AKAP13: variants seen among roughly 807,000 people sequenced by gnomAD.
AKAP13 encodes A-kinase anchor protein 13.
A neutral mutation model predicts 264.5 loss-of-function variants in AKAP13; 80 were observed. The ratio of observed to expected loss-of-function variants is 0.30; its 90% CI spans 0.25 to 0.36. The LOEUF (loss-of-function observed/expected upper bound fraction) is 0.36, where lower values mean the gene tolerates loss of function less well. Among genes scored for constraint, AKAP13 ranks in the 10% least tolerant of loss-of-function variants. The pLI, the probability that AKAP13 is intolerant of heterozygous loss-of-function variation, is 1.00. For missense variants in AKAP13, 3,712 were observed against 3,435.2 expected (o/e 1.08, Z -2.01); for synonymous variants, 1,380 against 1,250.2 (o/e 1.10, Z -2.19).
At chr15:85,621,459 G>A (rs1044246074) in intron 8 of AKAP13, 1 of 152,190 alleles carries the variant, frequency 6.6e-6, no homozygotes, top group Non-Finnish European at 1.5e-5. Context: ...CTCATATAAT[G>A]TATTTAGGAG....
At chr15:85,467,295 G>A (rs1465690714) in intron 1 of AKAP13, among the ~76,000 whole-genome samples, 1 of 134,772 alleles carries the variant, frequency 7.4e-6, no homozygotes, top group African/African-American at 2.4e-5. Flanking sequence ...TACATGGTAG[G>A]TACTCAATAA....
At chr15:85,676,930 C>A (rs944361327) in intron 14 of AKAP13, 3 of 985,352 alleles carry the variant, frequency 3.0e-6, no homozygotes, top group Non-Finnish European at 3.6e-6. Flanking sequence ...AAGGCCCTGG[C>A]ATAATCCGAG....
chr15:85,518,284 A>G (rs2076682825), intron 2 of AKAP13, among the ~76,000 whole-genome samples: 2 of 152,220 alleles, frequency 1.3e-5, no homozygotes, highest in South Asian at 4.1e-4. Flanking sequence ...AAGTAATAGT[A>G]GGTACCTGGT....
In AKAP13 at chr15:85,458,015, C is replaced by G. The variant is rs372572897; in HGVS notation, c.-11-27695C>G. ...ATTAGCTGGGTGTGGTGGCGCCCGC[C>G]TGTAATCCCACCTACTCTAGAGGCT... On this transcript the variant is annotated intron_variant, in intron 1 of 36. Transcript: ENST00000394518. 5.9e-5 allele frequency among the ~76,000 whole-genome samples: 9 copies of G among 151,998 alleles called. No homozygotes were observed. In the South Asian group the frequency reaches 6.2e-4, roughly 11 times the overall value.
rs551422657 is a variant in AKAP13, at chr15:85,554,416, C to A, written c.662+10461C>A. Among the ~76,000 whole-genome samples, 3 of 152,272 alleles carry A rather than the reference C, an allele frequency of 2.0e-5. No individual in the cohort carries two copies. In the South Asian group the frequency reaches 6.2e-4, roughly 32 times the overall value. On this transcript the variant is annotated intron_variant, in intron 5 of 36. Transcript: ENST00000394518. ...ATCTCTTTTAACCACCATTCAGTTTCTGACTTACTGTTTCCTAGTCAGCCT... is the reference window on the plus strand; with the variant it reads ...ATCTCTTTTAACCACCATTCAGTTTATGACTTACTGTTTCCTAGTCAGCCT...
intron 16 of AKAP13, chr15:85,691,815 C>CT: frequency 2.1e-6 from 1 of 483,396 alleles, no homozygotes; most frequent in Non-Finnish European, 4.1e-6. Context: ...TGTTGCCACT[C>CT]TGACAAGTGA....
chr15:85,624,041 A>G (rs1443891553), intron 8 of AKAP13, among the ~76,000 whole-genome samples: 1 of 152,210 alleles, frequency 6.6e-6, no homozygotes, highest in Non-Finnish European at 1.5e-5. Flanking sequence ...TTACTAGAGG[A>G]CAGCAGGTAT....
In AKAP13 at chr15:85,747,531, C is replaced by G. The variant is rs2089405365; in HGVS notation, c.*2854C>G. The stretch of plus-strand genomic sequence containing the variant: ...AGATGGAGTTCCTATCCAGAGCCCC[C>G]AGATTTCCAGAATCGAGTGAGCTTC... On this transcript the variant is annotated 3_prime_UTR_variant, in exon 37 of 37. Coordinates refer to ENST00000394518, the MANE Select transcript of AKAP13 (RefSeq NM_007200.5). The G allele has an allele frequency of 6.6e-6, 1 of 152,654 alleles. No homozygotes were observed. Among genetic ancestry groups the G allele is most frequent in the Non-Finnish European group, 1.5e-5 (1 of 68,038 alleles). 9.5% of individuals were successfully genotyped at this position (152,654 alleles called of 1,614,324 possible).
Position 85,586,195 on chromosome 15 carries a change from CT to C in AKAP13, c.4161+384del, listed in dbSNP as rs35834747. Among the ~76,000 whole-genome samples, 156 of 143,646 alleles carry C rather than the reference CT, an allele frequency of 1.1e-3. 1 individual carries two copies. The highest frequency in any genetic ancestry group is 4.2e-3 in the East Asian group (21 of 4,986). The allele number at this position is 143,646 out of a possible 152,430, so 94.2% of individuals were successfully genotyped here. On this transcript the variant is annotated intron_variant, in intron 8 of 36. Transcript: ENST00000394518. ...TTTTTCTTTCCTTCTTTTTCTTTTT[CT>C]TTTTTTTTTTTGAGATGGAGTTTTG...
chr15:85,465,650 A>G (rs909962671), intron 1 of AKAP13, among the ~76,000 whole-genome samples: 38 of 150,990 alleles, frequency 2.5e-4, no homozygotes, highest in Non-Finnish European at 3.7e-4. Context: ...ATGATTTCCA[A>G]TTTCATCCAT....
chr15:85,690,364 A>G (rs1450029289), intron 16 of AKAP13, among the ~76,000 whole-genome samples: 3 of 152,228 alleles, frequency 2.0e-5, no homozygotes, highest in Non-Finnish European at 4.4e-5. Flanking sequence ...TCCATTTAAC[A>G]TTTTATGCAT....
chr15:85,446,181 G>C (rs944221453), intron 1 of AKAP13, among the ~76,000 whole-genome samples: 2 of 152,136 alleles, frequency 1.3e-5, no homozygotes, highest in African/African-American at 2.4e-5. Context: ...CCAGAGAATT[G>C]ACACATACTA....
intron 1 of AKAP13, among the ~76,000 whole-genome samples, chr15:85,425,097 G>GTC (rs2072710961): frequency 6.6e-6 from 1 of 152,160 alleles, no homozygotes; most frequent in Non-Finnish European, 1.5e-5. Flanking sequence ...TTACCAAAAC[G>GTC]TGACACAGAG....
At chr15:85,460,911 C>G (rs55767890) in intron 1 of AKAP13, among the ~76,000 whole-genome samples, 45,726 of 151,412 alleles carry the variant, frequency 0.3, 9,138 homozygotes, top group Non-Finnish European at 0.45. Flanking sequence ...CCTGTGAGAT[C>G]GATCTCAGAT....
At chr15:85,613,713 T>TATATGTATGTATATATATATA (rs1254657975) in intron 8 of AKAP13, among the ~76,000 whole-genome samples, 1 of 111,030 alleles carries the variant, frequency 9.0e-6, no homozygotes, top group African/African-American at 3.4e-5. Context: ...TATATATATA[T>TATATGTATGTATATATATATA]TAGGAGTGCT....
chr15:85,486,394 A>C (rs1321765851), intron 2 of AKAP13, among the ~76,000 whole-genome samples: 1 of 152,134 alleles, frequency 6.6e-6, no homozygotes, highest in Non-Finnish European at 1.5e-5. Flanking sequence ...TAGCTCTTAC[A>C]TTTAGGTATG....
Position 85,727,608 on chromosome 15 carries a change from T to A in AKAP13, c.7087+145T>A. The A allele has an allele frequency of 1.2e-6, 1 of 800,678 alleles. No homozygotes were observed. The highest frequency in any genetic ancestry group is 2.0e-6 in the Non-Finnish European group (1 of 502,588). 49.6% of individuals were successfully genotyped at this position (800,678 alleles called of 1,614,324 possible). A position where few individuals can be genotyped will look rare whatever the true frequency, so the allele number is the denominator to read the frequency against. On this transcript the variant is annotated intron_variant, in intron 29 of 36. Transcript: ENST00000394518. This position sits in a 1 kb window ranked among gnomAD's most constrained non-coding sequence, Gnocchi z 5.3. ...TGAAAGCAGCAAAATGAATAGCTGT[T>A]AACAAAAGAGAAACCAAGGCCAGGC... is the stretch of plus-strand genomic sequence containing the variant.
At chr15:85,472,353 A>G (rs983214593) in intron 1 of AKAP13, among the ~76,000 whole-genome samples, 1 of 151,990 alleles carries the variant, frequency 6.6e-6, no homozygotes, top group Non-Finnish European at 1.5e-5. Flanking sequence ...AAAAAAAAAA[A>G]AAACAAAGAC....
intron 1 of AKAP13, among the ~76,000 whole-genome samples, chr15:85,382,397 T>C (rs2070328517): frequency 6.6e-6 from 1 of 152,218 alleles, no homozygotes; most frequent in Non-Finnish European, 1.5e-5. Flanking sequence ...TTTCTTCAGG[T>C]ACAGCCATTG....
Sources: allele counts gnomAD v4.1 joint callset (sites outside exome capture counted in the v4.1 genomes callset), GRCh38; gene constraint gnomAD v4.1.1; non-coding constraint Gnocchi (gnomAD v3.1); transcripts MANE v1.5; gene names NCBI Gene and HGNC (gene_info 2026-07-23, HGNC 2026-07-21).